MAP3K3: variants seen among roughly 807,000 people sequenced by gnomAD.
The protein encoded by MAP3K3 is mitogen-activated protein kinase kinase kinase 3.
Under a neutral mutation model 80.9 loss-of-function variants are expected in MAP3K3, and 12 were observed. The observed-to-expected ratio is 0.15, with a 90% CI of 0.10 to 0.24. The LOEUF (loss-of-function observed/expected upper bound fraction) is 0.24. Among genes scored for constraint, MAP3K3 ranks in the 10% least tolerant of loss-of-function variants. MAP3K3 has a pLI of 1.00. For synonymous variants in MAP3K3, 272 were observed against 307.1 expected (o/e 0.89, Z 1.19); for missense variants, 596 against 834.7 (o/e 0.71, Z 3.52).
intron 6 of MAP3K3, among the ~76,000 whole-genome samples, chr17:63,676,395 T>A (rs2035220395): frequency 6.6e-6 from 1 of 152,152 alleles, no homozygotes; most frequent in Admixed American, 6.5e-5. Context: ...CCCAGGGAAG[T>A]CTCACCCCAG....
At chr17:63,656,162 G>A (rs1300342726) in intron 4 of MAP3K3, among the ~76,000 whole-genome samples, 3 of 152,030 alleles carry the variant, frequency 2.0e-5, no homozygotes, top group East Asian at 1.9e-4. Flanking sequence ...CCCAGGAGGC[G>A]GAGGTTGCTG....
intron 2 of MAP3K3, chr17:63,634,784 G>A (rs1420025816): frequency 6.2e-7 from 1 of 1,613,790 alleles, no homozygotes; most frequent in African/African-American, 1.3e-5. Flanking sequence ...AGGGGCCAGT[G>A]AGAAAAAGAA....
intron 8 of MAP3K3, among the ~76,000 whole-genome samples, chr17:63,686,755 C>T (rs2035459029): frequency 1.3e-5 from 2 of 152,162 alleles, no homozygotes; most frequent in Admixed American, 1.3e-4. Context: ...TGGGTTTTTT[C>T]CTCTGTGCCT....
At chr17:63,637,042 T>C (rs933246728) in intron 2 of MAP3K3, 2 of 534,428 alleles carry the variant, frequency 3.7e-6, no homozygotes, top group African/African-American at 2.0e-5. Context: ...GGACAAACTT[T>C]CTGGAAGAGG....
intron 6 of MAP3K3, among the ~76,000 whole-genome samples, chr17:63,670,349 G>A (rs1486113742): frequency 6.6e-6 from 1 of 152,026 alleles, no homozygotes; most frequent in Non-Finnish European, 1.5e-5. Flanking sequence ...TGGTGAGGCC[G>A]AGGTGAGTGG....
chr17:63,644,823 C>T (rs2034509767), intron 2 of MAP3K3, among the ~76,000 whole-genome samples: 1 of 152,222 alleles, frequency 6.6e-6, no homozygotes, highest in Non-Finnish European at 1.5e-5. Context: ...TTCCAAGCCA[C>T]AGCCTATTAA....
At chr17:63,662,176 C>G (rs550454846) in intron 5 of MAP3K3, among the ~76,000 whole-genome samples, 118 of 148,194 alleles carry the variant, frequency 8.0e-4, no homozygotes, top group African/African-American at 2.5e-3. Flanking sequence ...GAGGCTGAGG[C>G]AGGCAGATTA....
chr17:63,669,657 G>T (rs1333731235), intron 6 of MAP3K3, among the ~76,000 whole-genome samples: 1 of 152,140 alleles, frequency 6.6e-6, no homozygotes, highest in African/African-American at 2.4e-5. Context: ...ATTTCGCCAT[G>T]TTGGCCAGGC....
intron 4 of MAP3K3, among the ~76,000 whole-genome samples, chr17:63,654,243 G>C (rs1381753242): frequency 1.3e-5 from 2 of 151,694 alleles, no homozygotes; most frequent in African/African-American, 4.9e-5. Context: ...CCTCTTCTCA[G>C]CTCTTGGTAA....
At chr17:63,673,468 C>T (rs887830665) in intron 6 of MAP3K3, among the ~76,000 whole-genome samples, 1 of 152,080 alleles carries the variant, frequency 6.6e-6, no homozygotes, top group African/African-American at 2.4e-5. Context: ...GTGGGGAGAT[C>T]ACTAGGCAGA....
chr17:63,678,300 A>G (rs1293165253), intron 6 of MAP3K3, among the ~76,000 whole-genome samples: 1 of 152,230 alleles, frequency 6.6e-6, no homozygotes, highest in Admixed American at 6.5e-5. Flanking sequence ...AGTTCATGGT[A>G]CAATATCCCT....
chr17:63,631,146 G>A (rs2034207656), intron 1 of MAP3K3, among the ~76,000 whole-genome samples: 1 of 152,170 alleles, frequency 6.6e-6, no homozygotes, highest in Non-Finnish European at 1.5e-5. Flanking sequence ...AATTAGCAGG[G>A]CATGGTGGTG....
At chr17:63,654,333 TG>T (rs1858059608) in intron 4 of MAP3K3, among the ~76,000 whole-genome samples, 1 of 150,436 alleles carries the variant, frequency 6.6e-6, no homozygotes, top group Non-Finnish European at 1.5e-5. Context: ...TGACCTTTTT[TG>T]TCTGGCTTCT....
chr17:63,669,583 C>T (rs1385872067), intron 6 of MAP3K3, among the ~76,000 whole-genome samples: 1 of 152,076 alleles, frequency 6.6e-6, no homozygotes, highest in Non-Finnish European at 1.5e-5. Flanking sequence ...ATTCTTCTGC[C>T]TCAGCCTGTT....
At chr17:63,625,632 C>G (rs528869918) in intron 1 of MAP3K3, among the ~76,000 whole-genome samples, 14 of 152,294 alleles carry the variant, frequency 9.2e-5, no homozygotes, top group African/African-American at 3.4e-4. Flanking sequence ...AGTCTCAATT[C>G]AGTTTGGCTA....
Position 63,693,713 on chromosome 17 carries a change from A to C in MAP3K3, c.1817A>C (p.Glu606Ala). Residue 606 changes from glutamate to alanine, a missense_variant, in exon 16 of 16, where the codon GAG (glutamate) becomes GCG (alanine). Around this residue, in one of 2 missense-constraint regions of MAP3K3, gnomAD observed 364 missense variants for 588.9 expected, o/e 0.62. Transcript: ENST00000361733. The surrounding 1 kb of genome is among the most constrained non-coding windows in gnomAD (Gnocchi z 4.2). ...GACTTCCTGAGGCGCATTTTTGTGG[A>C]GGCTCGCCAGAGACCTTCAGCTGAG... is the stretch of plus-strand genomic sequence containing the variant. ...GRDFLRRIFV[E>A]ARQRPSAEEL... The C allele has an allele frequency of 6.2e-7, 1 of 1,604,030 alleles. No homozygotes were observed. The highest frequency in any genetic ancestry group is 2.2e-5 in the East Asian group (1 of 44,498).
At chr17:63,667,335 C>T (rs1351244554) in intron 6 of MAP3K3, among the ~76,000 whole-genome samples, 1 of 152,184 alleles carries the variant, frequency 6.6e-6, no homozygotes, top group Admixed American at 6.5e-5. Flanking sequence ...CAGACATCTG[C>T]TTGAAGACTT....
chr17:63,654,438 A>G (rs1403975497), intron 4 of MAP3K3, among the ~76,000 whole-genome samples: 3 of 152,316 alleles, frequency 2.0e-5, no homozygotes, highest in African/African-American at 7.2e-5. Flanking sequence ...ATTTATGGAT[A>G]TACCACATTT....
chr17:63,632,738 G>T lies in MAP3K3; in HGVS notation c.62G>T (p.Arg21Leu). Residue 21 changes from arginine to leucine, a missense_variant, in exon 2 of 16, where the codon CGA (arginine) becomes CTA (leucine). By Grantham distance (102) the Arg-to-Leu change is moderately radical (BLOSUM62 -2). Coordinates refer to ENST00000361733, the MANE Select transcript of MAP3K3 (RefSeq NM_002401.5). ...MNDLVALQMN[R>L]RHRMPGYETM... ...GATCTGGTGGCCCTCCAGATGAACC[G>T]ACGTCACCGGATGCCTGGATATGAG... The T allele has an allele frequency of 6.2e-7, 1 of 1,614,062 alleles. No individual in the cohort carries two copies. Among genetic ancestry groups the T allele is most frequent in the South Asian group, 1.1e-5 (1 of 91,074 alleles).
Sources: allele counts gnomAD v4.1 joint callset (sites outside exome capture counted in the v4.1 genomes callset), GRCh38; gene constraint gnomAD v4.1.1; regional missense constraint gnomAD v4.1.1; non-coding constraint Gnocchi (gnomAD v3.1); transcripts MANE v1.5; gene names NCBI Gene and HGNC (gene_info 2026-07-23, HGNC 2026-07-21).